The following HVCN1 variants were observed in gnomAD, a reference collection of about 807,000 sequenced individuals.
HVCN1 encodes the protein hydrogen voltage gated channel 1, also known as voltage-gated hydrogen channel 1.
A neutral mutation model predicts 29.2 loss-of-function variants in HVCN1; 14 were observed. The ratio of observed to expected loss-of-function variants is 0.48; its 90% CI spans 0.32 to 0.75. The LOEUF (loss-of-function observed/expected upper bound fraction) is 0.75, where lower values mean the gene tolerates loss of function less well. Among genes scored for constraint, HVCN1 ranks in the 30% least tolerant of loss-of-function variants. The pLI, the probability that HVCN1 is intolerant of heterozygous loss-of-function variation, is 0.04. For synonymous variants in HVCN1, 131 were observed against 133.2 expected (o/e 0.98, Z 0.11); for missense variants, 263 against 341.8 (o/e 0.77, Z 1.82).
chr12:110,685,298 G>A (rs1269338814), intron 2 of HVCN1, among the ~76,000 whole-genome samples: 1 of 152,158 alleles, frequency 6.6e-6, no homozygotes, highest in Non-Finnish European at 1.5e-5. Flanking sequence ...AGGCATGTGG[G>A]CCCCTCTAGA....
At chr12:110,669,660 G>A (rs986593017) in intron 3 of HVCN1, among the ~76,000 whole-genome samples, 2 of 152,048 alleles carry the variant, frequency 1.3e-5, no homozygotes, top group Non-Finnish European at 2.9e-5. Context: ...TGGGGTGTAC[G>A]TCACACTGTC....
intron 3 of HVCN1, among the ~76,000 whole-genome samples, chr12:110,681,506 A>G (rs960043190): frequency 6.6e-6 from 1 of 152,320 alleles, no homozygotes; most frequent in African/African-American, 2.4e-5. Flanking sequence ...TGGTTTGCCT[A>G]ATTTAATAGG....
chr12:110,672,618 G>T (rs1327535760), intron 3 of HVCN1, among the ~76,000 whole-genome samples: 2 of 152,106 alleles, frequency 1.3e-5, no homozygotes, highest in African/African-American at 2.4e-5. Flanking sequence ...AAACCTATTA[G>T]ATATGATTTG....
At chr12:110,671,021 G>A (rs970595440) in intron 3 of HVCN1, among the ~76,000 whole-genome samples, 7 of 152,058 alleles carry the variant, frequency 4.6e-5, no homozygotes, top group African/African-American at 1.2e-4. Context: ...GCAAAACCCC[G>A]TCTCTACTAA....
chr12:110,655,473 A>G (rs1173223557), intron 4 of HVCN1, 135 bp from the exon 5 acceptor site: 4 of 647,082 alleles, frequency 6.2e-6, no homozygotes, highest in Non-Finnish European at 2.8e-6. Context: ...GGCTACTGCT[A>G]TAGCTCGCCA....
chr12:110,681,039 A>T (rs945070940), intron 3 of HVCN1, among the ~76,000 whole-genome samples: 6 of 152,218 alleles, frequency 3.9e-5, no homozygotes, highest in African/African-American at 1.4e-4. Context: ...CAAGGAGTCA[A>T]ATGATCTCAT....
chr12:110,683,370 T>C, intron 2 of HVCN1, 106 bp from the exon 3 acceptor site: 1 of 1,364,474 alleles, frequency 7.3e-7, no homozygotes, highest in Non-Finnish European at 9.9e-7. Flanking sequence ...TTAGTTTAGT[T>C]TTAACTGTGC....
At chr12:110,671,013 A>G (rs57320627) in intron 3 of HVCN1, among the ~76,000 whole-genome samples, 19,799 of 152,060 alleles carry the variant, frequency 0.13, 1,613 homozygotes, top group African/African-American at 0.23. Context: ...CCAACATGGC[A>G]AAACCCCGTC....
chr12:110,655,610 A>G (rs1354248448), intron 4 of HVCN1, among the ~76,000 whole-genome samples: 1 of 152,080 alleles, frequency 6.6e-6, no homozygotes, highest in Non-Finnish European at 1.5e-5. Context: ...GCCCTCCCAG[A>G]ACATCTCTGG....
intron 2 of HVCN1, among the ~76,000 whole-genome samples, chr12:110,695,327 T>C (rs2069473418): frequency 6.7e-6 from 1 of 149,852 alleles, no homozygotes; most frequent in South Asian, 2.1e-4. Flanking sequence ...ATTATAATTG[T>C]ATAATTATAA....
chr12:110,693,456 A>G (rs941079539), upstream of HVCN1, among the ~76,000 whole-genome samples: 2 of 152,108 alleles, frequency 1.3e-5, no homozygotes, highest in Non-Finnish European at 2.9e-5. Flanking sequence ...AGGCAGAAGA[A>G]TCGCTTGAAC....
intron 3 of HVCN1, among the ~76,000 whole-genome samples, chr12:110,672,268 G>A (rs549253069): frequency 1.1e-4 from 17 of 152,232 alleles, no homozygotes; most frequent in African/African-American, 4.1e-4. Flanking sequence ...TGCCACCATG[G>A]CTACCTTGGT....
upstream of HVCN1, chr12:110,689,402 C>G (rs1198719618): frequency 6.6e-6 from 1 of 151,988 alleles, no homozygotes; most frequent in Non-Finnish European, 1.5e-5. The surrounding 1 kb of genome is among the most constrained non-coding windows in gnomAD (Gnocchi z 5.7). Context: ...GAGCGAATCG[C>G]GGATCACAAA....
chr12:110,668,365 C>A (rs941586351), intron 3 of HVCN1, among the ~76,000 whole-genome samples: 1 of 152,038 alleles, frequency 6.6e-6, no homozygotes, highest in Non-Finnish European at 1.5e-5. Flanking sequence ...AATAGCCAGG[C>A]GTGGTGGTGG....
intron 3 of HVCN1, among the ~76,000 whole-genome samples, chr12:110,673,525 A>G (rs947579046): frequency 3.3e-5 from 5 of 152,172 alleles, no homozygotes; most frequent in African/African-American, 1.2e-4. Flanking sequence ...AATCCCCAAG[A>G]CCTTGGGAAA....
At chr12:110,650,307 A>T (rs2136235432) in intron 6 of HVCN1, 27 bp from the exon 7 acceptor site, 1 of 1,426,726 alleles carries the variant, frequency 7.0e-7, no homozygotes, top group Non-Finnish European at 9.9e-7. Flanking sequence ...GGTCTCAGTG[A>T]TACTGGTTTC....
At chr12:110,665,773 G>A (rs533154306) in intron 3 of HVCN1, among the ~76,000 whole-genome samples, 15 of 152,154 alleles carry the variant, frequency 9.9e-5, no homozygotes, top group Admixed American at 1.3e-4. Context: ...TTGGGAGGTC[G>A]AGGTGGGCAG....
intron 2 of HVCN1, among the ~76,000 whole-genome samples, chr12:110,701,811 C>T (rs949197908): frequency 1.3e-4 from 19 of 150,910 alleles, no homozygotes; most frequent in East Asian, 8.0e-4. Flanking sequence ...GAGCTGAGAT[C>T]GTGCCATTGC....
intron 3 of HVCN1, among the ~76,000 whole-genome samples, chr12:110,666,921 C>A (rs947666127): frequency 6.6e-6 from 1 of 152,152 alleles, no homozygotes; most frequent in Non-Finnish European, 1.5e-5. Context: ...TCCCTCCTAG[C>A]ATTTACCTCA....
Sources: gnomAD v4.1 joint callset for allele counts (sites outside exome capture counted in the v4.1 genomes callset) on GRCh38, gnomAD v4.1.1 for gene constraint, Gnocchi (gnomAD v3.1) non-coding constraint, MANE v1.5 for transcripts, NCBI Gene and HGNC (gene_info 2026-07-23, HGNC 2026-07-21) for gene names.